Variants in PSD3 observed in about 807,000 individuals in gnomAD.
The protein encoded by PSD3 is pleckstrin and Sec7 domain containing 3, also known as PH and SEC7 domain-containing protein 3.
PSD3 carries 49 observed loss-of-function variants against 105.5 expected under a neutral mutation model. The ratio of observed to expected loss-of-function variants is 0.46; its 90% CI spans 0.37 to 0.59. The LOEUF is 0.59. Among genes scored for constraint, PSD3 ranks in the 20% least tolerant of loss-of-function variants. The pLI is 0.00. For missense variants in PSD3, 1,561 were observed against 1,263.8 expected (o/e 1.24, Z -3.57); for synonymous variants, 557 against 457.8 (o/e 1.22, Z -2.77).
At chr8:18,567,571 C>G (rs1480175282) in intron 14 of PSD3, among the ~76,000 whole-genome samples, 1 of 152,050 alleles carries the variant, frequency 6.6e-6, no homozygotes, top group African/African-American at 2.4e-5. Flanking sequence ...AATAGTAATG[C>G]TTACAAGTAA....
Position 18,872,556 on chromosome 8 carries a change from C to T in PSD3, c.308G>A (p.Gly103Glu). 6.2e-7 allele frequency: 1 copy of T among 1,613,974 alleles called. No homozygotes were observed. The highest frequency in any genetic ancestry group is 8.5e-7 in the Non-Finnish European group (1 of 1,179,962). The change falls in exon 3 of 16, where the codon GGG becomes GAG. Residue 103 changes from glycine (G) to glutamate (E), a missense_variant. By Grantham distance (98) the Gly-to-Glu change is moderately conservative (BLOSUM62 -2). Transcript: ENST00000327040. ...TGGTCCTTCTGTAACACTGTCGAGC[C>T]CAGAGTGGCAGCCAGTAAGAGGCTG... is the stretch of plus-strand genomic sequence containing the variant. ...GVQPLTGCHS[G>E]LDSVTEGPKD... is the part of the protein sequence containing the mutation.
chr8:18,820,901 C>T (rs1354501809), intron 4 of PSD3, among the ~76,000 whole-genome samples: 3 of 151,994 alleles, frequency 2.0e-5, no homozygotes, highest in African/African-American at 7.3e-5. Context: ...AGGCGTGAGT[C>T]ACAATGCTCA....
At chr8:18,651,203 A>G (rs1294133100) in intron 10 of PSD3, among the ~76,000 whole-genome samples, 1 of 152,250 alleles carries the variant, frequency 6.6e-6, no homozygotes, top group Non-Finnish European at 1.5e-5. Context: ...TCACACTCCC[A>G]GGTAAGGCCC....
At chr8:18,980,470 T>TGGTTG (rs967371512) in intron 1 of PSD3, among the ~76,000 whole-genome samples, 1 of 152,182 alleles carries the variant, frequency 6.6e-6, no homozygotes, top group African/African-American at 2.4e-5. Context: ...GTTGGTTGGT[T>TGGTTG]GGTTGGGTTT....
intron 11 of PSD3, among the ~76,000 whole-genome samples, chr8:18,621,504 T>C (rs756636276): frequency 6.6e-6 from 1 of 152,208 alleles, no homozygotes; most frequent in Admixed American, 6.5e-5. Flanking sequence ...ACATGAGCCA[T>C]CATTACGGAA....
At chr8:19,075,903 C>A (rs1829449936) in intron 1 of PSD3, among the ~76,000 whole-genome samples, 1 of 152,166 alleles carries the variant, frequency 6.6e-6, no homozygotes, top group Admixed American at 6.5e-5. Context: ...AATATGGTAA[C>A]TTACACGTAA....
intron 4 of PSD3, among the ~76,000 whole-genome samples, chr8:18,824,853 G>A (rs896642574): frequency 3.3e-5 from 5 of 152,082 alleles, no homozygotes; most frequent in Non-Finnish European, 7.4e-5. Context: ...GGGCATACAC[G>A]AGTCCAGCAT....
Position 18,535,711 on chromosome 8 carries a change from C to T in PSD3, c.*32G>A, listed in dbSNP as rs1478584071. 1.3e-6 allele frequency: 2 copies of T among 1,538,802 alleles called. No individual in the cohort carries two copies. Among genetic ancestry groups the T allele is most frequent in the South Asian group, 1.1e-5 (1 of 89,644 alleles). ...GATCTTGAAAAACCCTATTTTGCTC[C>T]ATGACCAGCACTTCCTGGCCGCAGA... On this transcript the variant is annotated 3_prime_UTR_variant, in exon 16 of 16. Coordinates refer to ENST00000327040, the MANE Select transcript of PSD3 (RefSeq NM_015310.4).
chr8:18,689,387 C>G (rs1177599073), intron 9 of PSD3, among the ~76,000 whole-genome samples: 2 of 152,156 alleles, frequency 1.3e-5, no homozygotes, highest in Non-Finnish European at 2.9e-5. Context: ...ACACTTCCCT[C>G]TTTGCTAAGA....
At chr8:18,990,969 C>T (rs1350984958) in intron 1 of PSD3, among the ~76,000 whole-genome samples, 1 of 152,166 alleles carries the variant, frequency 6.6e-6, no homozygotes, top group African/African-American at 2.4e-5. Flanking sequence ...CTCTTACTCT[C>T]TCCTATTAAC....
intron 15 of PSD3, among the ~76,000 whole-genome samples, chr8:18,544,099 A>T (rs1262591057): frequency 6.6e-6 from 1 of 151,746 alleles, no homozygotes; most frequent in Non-Finnish European, 1.5e-5. Context: ...ATGAGCAGAA[A>T]AGCAATAATC....
At chr8:18,760,160 T>C (rs1174090513) in intron 9 of PSD3, among the ~76,000 whole-genome samples, 1 of 152,056 alleles carries the variant, frequency 6.6e-6, no homozygotes, top group East Asian at 1.9e-4. Context: ...GAAAAGTATA[T>C]ATTTGTGGTG....
intron 11 of PSD3, among the ~76,000 whole-genome samples, chr8:18,616,294 C>T (rs922551739): frequency 2.6e-4 from 40 of 152,208 alleles, no homozygotes; most frequent in African/African-American, 9.2e-4. Context: ...CCAAAATACC[C>T]GACCCTACAA....
chr8:18,626,117 A>T (rs1444212596), intron 11 of PSD3, among the ~76,000 whole-genome samples: 1 of 152,140 alleles, frequency 6.6e-6, no homozygotes, highest in East Asian at 1.9e-4. Flanking sequence ...TACTTCTAAG[A>T]TAGGTACAAC....
chr8:19,032,229 G>A (rs996247930), intron 1 of PSD3, among the ~76,000 whole-genome samples: 5 of 150,694 alleles, frequency 3.3e-5, no homozygotes, highest in African/African-American at 1.2e-4. Flanking sequence ...ATTTTTAAAA[G>A]TTCAACAGTT....
chr8:18,912,117 G>A (rs1820262014), intron 2 of PSD3, among the ~76,000 whole-genome samples: 1 of 152,110 alleles, frequency 6.6e-6, no homozygotes, highest in African/African-American at 2.4e-5. Flanking sequence ...CTTGTCTTCT[G>A]GGGCCTACCA....
intron 1 of PSD3, among the ~76,000 whole-genome samples, chr8:18,945,728 C>A (rs546471158): frequency 2.6e-5 from 4 of 152,324 alleles, no homozygotes; most frequent in African/African-American, 9.6e-5. Context: ...GTAATCCCAG[C>A]ACTTTGGGAG....
At chr8:18,560,891 C>T (rs1195166578) in intron 14 of PSD3, among the ~76,000 whole-genome samples, 1 of 152,066 alleles carries the variant, frequency 6.6e-6, no homozygotes. Context: ...TGATTGAGTC[C>T]CTCATGAAGC....
intron 4 of PSD3, chr8:18,808,719 A>G (rs752958127): frequency 6.2e-7 from 1 of 1,613,918 alleles, no homozygotes. Flanking sequence ...CTTTTAAATC[A>G]GAAAGCTTGA....
Sources: allele counts gnomAD v4.1 joint callset (sites outside exome capture counted in the v4.1 genomes callset), GRCh38; gene constraint gnomAD v4.1.1; transcripts MANE v1.5; gene names NCBI Gene and HGNC (gene_info 2026-07-23, HGNC 2026-07-21).